Variants in STYXL2 observed in about 807,000 individuals in gnomAD.
STYXL2 encodes the protein serine/threonine/tyrosine interacting like 2, also known as serine/threonine/tyrosine-interacting-like protein 2.
In STYXL2, 44 loss-of-function variants were observed where a neutral mutation model predicts 52.4. The ratio of observed to expected loss-of-function variants is 0.84; its 90% confidence interval spans 0.66 to 1.08. STYXL2 has a LOEUF of 1.08. Ranked by LOEUF, STYXL2 falls within the 50% of genes least tolerant of loss-of-function variation. The pLI, the probability that STYXL2 is intolerant of heterozygous loss-of-function variation, is 0.00. For missense variants in STYXL2, 1,604 were observed against 1,471.7 expected (o/e 1.09, Z -1.47); for synonymous variants, 604 against 586.9 (o/e 1.03, Z -0.42).
At chr1:167,114,572 C>T (rs992872061) in intron 3 of STYXL2, among the ~76,000 whole-genome samples, 1 of 152,120 alleles carries the variant, frequency 6.6e-6, no homozygotes, top group Non-Finnish European at 1.5e-5. Context: ...GAATCACATG[C>T]TACTCTTTGT....
rs539621624 is a variant in STYXL2, at chr1:167,128,960, T to G, written c.*352T>G. 9.1e-6 allele frequency: 2 copies of G among 219,264 alleles called. No individual in the cohort carries two copies. The highest frequency in any genetic ancestry group is 5.2e-5 in the Admixed American group (1 of 19,266). 13.6% of individuals were successfully genotyped at this position (219,264 alleles called of 1,614,324 possible). A position where few individuals can be genotyped will look rare whatever the true frequency, so the allele number is the denominator to read the frequency against. On this transcript the variant is annotated 3_prime_UTR_variant, in exon 6 of 6. Transcript: ENST00000361200. ...ACTGTAGTTTGTCAGAGACTCCAGT[T>G]TACATCCAGAAAGGCCATGAACATA...
chr1:167,095,584 A>G (rs1167895463), intron 2 of STYXL2, among the ~76,000 whole-genome samples: 2 of 152,168 alleles, frequency 1.3e-5, no homozygotes, highest in Non-Finnish European at 2.9e-5. Context: ...TATCATGTAG[A>G]ATGAAAAAAA....
rs150498762 is a variant in STYXL2 at position 167,117,357 on chromosome 1, G to A, written c.235G>A (p.Ala79Thr). 1.8e-4 allele frequency: 283 copies of A among 1,611,200 alleles called. 1 individual carries two copies. Among genetic ancestry groups the A allele is most frequent in the Admixed American group, 5.2e-4 (31 of 59,706 alleles). ...ELKPPGVRAD[A>T]ECPGMLESAE... ...CAAGCCACCGGGGGTCAGAGCAGAC[G>A]CAGAGTGTCCAGGCATGCTGGAGTC... Residue 79 changes from alanine (A) to threonine (T), a missense_variant, in exon 4 of 6, where the codon GCA becomes ACA. By Grantham distance (58) the Ala-to-Thr change is moderately conservative. Coordinates refer to ENST00000361200, the MANE Select transcript of STYXL2 (RefSeq NM_001080426.3).
chr1:167,094,856 A>G lies in STYXL2; in HGVS notation c.7A>G (p.Thr3Ala), dbSNP rs1667248156. MA[T>A]RKDTEEEQVV... ...CAGAGGTTGGCAGGTTGTCATGGCG[A>G]CCAGAAAGGACACAGAGGAGGAGCA... Residue 3 changes from threonine to alanine, a missense_variant, in exon 2 of 6, where the codon ACC becomes GCC. By Grantham distance (58) the Thr-to-Ala change is moderately conservative. Transcript: ENST00000361200. 1 of 1,612,924 alleles carries G rather than the reference A, an allele frequency of 6.2e-7. No individual in the cohort carries two copies. Among genetic ancestry groups the G allele is most frequent in the Non-Finnish European group, 8.5e-7 (1 of 1,179,684 alleles).
rs556115938 is a variant in STYXL2, at chr1:167,105,202, G to A, written c.111-8508G>A. The stretch of plus-strand genomic sequence containing the variant: ...GTTTCCTTTTTTCCTTTCTGTCCCA[G>A]ATGCTGAACACAACCCACTGAATTG... On this transcript the variant is annotated intron_variant, in intron 2 of 5. Coordinates refer to ENST00000361200, the MANE Select transcript of STYXL2 (RefSeq NM_001080426.3). 2.9e-5 allele frequency among the ~76,000 whole-genome samples: 4 copies of A among 137,626 alleles called. No homozygotes were observed. The East Asian group carries it at 6.1e-4, about 21-fold the overall frequency. The allele number at this position is 137,626 out of a possible 152,430, so 90.3% of individuals were successfully genotyped here.
chr1:167,102,607 T>C (rs999851095), intron 2 of STYXL2, among the ~76,000 whole-genome samples: 1 of 152,322 alleles, frequency 6.6e-6, no homozygotes, highest in East Asian at 1.9e-4. Flanking sequence ...CAGTAACTCA[T>C]CATGTCAAGA....
chr1:167,106,042 T>C (rs982032514), intron 2 of STYXL2, among the ~76,000 whole-genome samples: 20 of 152,366 alleles, frequency 1.3e-4, no homozygotes, highest in Middle Eastern at 3.4e-3. Flanking sequence ...GAAAGATGTT[T>C]CACAGAGATT....
At chr1:167,117,964 TAAGA>T (rs1308284149) in intron 4 of STYXL2, among the ~76,000 whole-genome samples, 1 of 152,170 alleles carries the variant, frequency 6.6e-6, no homozygotes. Context: ...CACAATACAG[TAAGA>T]AAGAATTAGA....
Position 167,127,728 on chromosome 1 carries a change from G to A in STYXL2, c.2597G>A (p.Ser866Asn), listed in dbSNP as rs1668006561. 1.6e-5 allele frequency: 26 copies of A among 1,613,932 alleles called. No individual in the cohort carries two copies. The highest frequency in any genetic ancestry group is 2.2e-5 in the Non-Finnish European group (26 of 1,180,006). The change falls in exon 6 of 6, where the codon AGC becomes AAC. Residue 866 changes from serine to asparagine, a missense_variant. Physicochemically the swap from Ser to Asn is conservative, Grantham distance 46 (BLOSUM62 1). Coordinates refer to ENST00000361200, the MANE Select transcript of STYXL2 (RefSeq NM_001080426.3). ...AAGCTGGCCTCAGACAACAAACGCA[G>A]CTCCCTCTTCAAGAAGAAGAAGGTC... ...MEKLASDNKR[S>N]SLFKKKKVKE...
chr1:167,111,571 C>A lies in STYXL2; in HGVS notation c.111-2139C>A, dbSNP rs892433671. On this transcript the variant is annotated intron_variant, in intron 2 of 5. Coordinates refer to ENST00000361200, the MANE Select transcript of STYXL2 (RefSeq NM_001080426.3). ...TATGGAATAATACTTAGCCATAAAACGGTCTAAAATAATGGCATTTGCAGC... is the reference window on the plus strand; with the variant it reads ...TATGGAATAATACTTAGCCATAAAAAGGTCTAAAATAATGGCATTTGCAGC... Among the ~76,000 whole-genome samples the A allele has an allele frequency of 2.8e-5, 4 of 145,156 alleles. No homozygotes were observed. In the Admixed American group the frequency reaches 2.8e-4, roughly 10 times the overall value.
At position 167,098,468 on chromosome 1, in the gene STYXL2, C is replaced by T. The variant is rs546521457; in HGVS notation, c.110+3509C>T. ...TCCAGCCTGGGTGTGAAAGTGAGGC[C>T]CTGTCTCAAAAAATAAAATAAGGAT... is the stretch of plus-strand genomic sequence containing the variant. On this transcript the variant is annotated intron_variant, in intron 2 of 5. Transcript: ENST00000361200. Among the ~76,000 whole-genome samples the T allele has an allele frequency of 2.0e-5, 3 of 151,852 alleles. No individual in the cohort carries two copies. In the South Asian group the frequency reaches 6.2e-4, roughly 32 times the overall value.
Position 167,094,999 on chromosome 1 carries a change from G to T in STYXL2, c.110+40G>T, listed in dbSNP as rs780006076. ...ATCTCCCACCCTCACAGCCCCAGCT[G>T]GGAGGGGCTGGGGACAGGTTGGGCC... On this transcript the variant is annotated intron_variant, in intron 2 of 5. Transcript: ENST00000361200. 4.0e-6 allele frequency: 6 copies of T among 1,495,968 alleles called. No homozygotes were observed. In the African/African-American group the frequency reaches 8.3e-5, roughly 21 times the overall value. 92.7% of individuals were successfully genotyped at this position (1,495,968 alleles called of 1,614,324 possible).
In STYXL2 at chr1:167,126,162, A is replaced by T. The variant is rs772938358; in HGVS notation, c.1031A>T (p.Glu344Val). 2.7e-6 allele frequency: 4 copies of T among 1,475,408 alleles called. No individual in the cohort carries two copies. The South Asian group carries it at 4.4e-5, about 16-fold the overall frequency. The allele number at this position is 1,475,408 out of a possible 1,614,324, so 91.4% of individuals were successfully genotyped here. Residue 344 changes from glutamate (E) to valine (V), a missense_variant, in exon 6 of 6, where the codon GAG becomes GTG. Transcript: ENST00000361200. ...QASKPLTLID[E>V]EEEEKLYEQW... ...TCCAAGCCCCTCACCCTCATAGACG[A>T]GGAGGAGGAGGAGAAACTGTACGAG...
At chr1:167,105,826 A>G (rs1571334535) in intron 2 of STYXL2, among the ~76,000 whole-genome samples, 1 of 152,322 alleles carries the variant, frequency 6.6e-6, no homozygotes, top group South Asian at 2.1e-4. Flanking sequence ...TACGGAGCAG[A>G]GTTTAATGTT....
chr1:167,113,331 G>A (rs1667655372), intron 2 of STYXL2, among the ~76,000 whole-genome samples: 1 of 152,104 alleles, frequency 6.6e-6, no homozygotes, highest in South Asian at 2.1e-4. Context: ...GCAAAATTAA[G>A]GACACCCTGT....
intron 2 of STYXL2, among the ~76,000 whole-genome samples, chr1:167,104,461 C>T (rs893260370): frequency 3.9e-5 from 6 of 152,186 alleles, no homozygotes; most frequent in Non-Finnish European, 5.9e-5. Flanking sequence ...GCTCTCCTTT[C>T]CCTTCCTGTG....
intron 4 of STYXL2, among the ~76,000 whole-genome samples, chr1:167,117,905 TG>T (rs1365797232): frequency 1.8e-4 from 27 of 152,212 alleles, no homozygotes; most frequent in Non-Finnish European, 1.3e-4. Context: ...TAGGAGCCAT[TG>T]ACAATAATAC....
rs1011449034 is a variant in STYXL2 at position 167,126,971 on chromosome 1, G to A, written c.1840G>A (p.Gly614Arg). The A allele has an allele frequency of 1.2e-6, 2 of 1,610,414 alleles. No individual in the cohort carries two copies. Among genetic ancestry groups the A allele is most frequent in the African/African-American group, 1.3e-5 (1 of 75,016 alleles). The stretch of plus-strand genomic sequence containing the variant: ...GGAGGAGGTGGTGGAGCTCAGCAAG[G>A]GGGAGGACTCGGCCTTGGCTAAGAA... ...NKEEVVELSKGEDSALAKKRQ... is the reference protein window; with the variant it reads ...NKEEVVELSKREDSALAKKRQ... Residue 614 changes from glycine to arginine, a missense_variant, in exon 6 of 6, where the codon GGG (glycine) becomes AGG (arginine). Physicochemically the swap from Gly to Arg is moderately radical, Grantham distance 125. Coordinates refer to ENST00000361200, the MANE Select transcript of STYXL2 (RefSeq NM_001080426.3).
intron 5 of STYXL2, among the ~76,000 whole-genome samples, chr1:167,124,503 A>G (rs1484696340): frequency 2.6e-5 from 4 of 152,192 alleles, no homozygotes; most frequent in African/African-American, 9.7e-5. Context: ...TGCATTTTAA[A>G]CAGCTATTAC....
Sources: gnomAD v4.1 joint callset for allele counts (sites outside exome capture counted in the v4.1 genomes callset) on GRCh38, gnomAD v4.1.1 for gene constraint, MANE v1.5 for transcripts, NCBI Gene and HGNC (gene_info 2026-07-23, HGNC 2026-07-21) for gene names.